Variants in POGZ observed in about 807,000 individuals in gnomAD.
The protein encoded by POGZ is pogo transposable element with ZNF domain.
Under a neutral mutation model 134.6 loss-of-function variants are expected in POGZ, and 17 were observed. The ratio of observed to expected loss-of-function variants is 0.13; its 90% CI spans 0.09 to 0.19. The LOEUF (loss-of-function observed/expected upper bound fraction) is 0.19, where lower values mean the gene tolerates loss of function less well. POGZ is among the 10% of genes least tolerant of loss of function. The pLI is 1.00. For synonymous variants in POGZ, 693 were observed against 657.1 expected (o/e 1.05, Z -0.84); for missense variants, 1,306 against 1,769.7 (o/e 0.74, Z 4.70).
At chr1:151,414,490 T>C (rs1476460936) in intron 10 of POGZ, among the ~76,000 whole-genome samples, 1 of 152,192 alleles carries the variant, frequency 6.6e-6, no homozygotes, top group Non-Finnish European at 1.5e-5. Flanking sequence ...AGGTTAAGAT[T>C]TACATGTGTT....
chr1:151,454,610 A>G (rs1662548358), intron 1 of POGZ, among the ~76,000 whole-genome samples: 1 of 152,240 alleles, frequency 6.6e-6, no homozygotes, highest in Non-Finnish European at 1.5e-5. Flanking sequence ...CAAGTAAGCA[A>G]CAAGTTCTCT....
intron 1 of POGZ, among the ~76,000 whole-genome samples, chr1:151,457,859 G>A (rs528583252): frequency 6.6e-6 from 1 of 152,032 alleles, no homozygotes; most frequent in African/African-American, 2.4e-5. Flanking sequence ...CCCGGCAGGC[G>A]GAGGTTGCAG....
intron 10 of POGZ, among the ~76,000 whole-genome samples, chr1:151,415,288 G>A (rs1441233705): frequency 6.6e-6 from 1 of 152,150 alleles, no homozygotes; most frequent in Non-Finnish European, 1.5e-5. Context: ...TTTTTTGAAA[G>A]ATTAGAATAA....
At chr1:151,415,044 T>C (rs748383388) in intron 10 of POGZ, among the ~76,000 whole-genome samples, 17 of 152,304 alleles carry the variant, frequency 1.1e-4, no homozygotes, top group Non-Finnish European at 1.5e-4. Context: ...TGAACAACTG[T>C]AACTTCTGCT....
rs2102164770 is a variant in POGZ at position 151,408,160 on chromosome 1, T to A, written c.2315A>T (p.His772Leu). The A allele has an allele frequency of 6.2e-7, 1 of 1,608,144 alleles. No homozygotes were observed. The highest frequency in any genetic ancestry group is 8.5e-7 in the Non-Finnish European group (1 of 1,177,004). Reference sequence around the variant, plus strand: ...GGTGCTATAGCGACACAGAGAGCAGTGTACGTAAGTAGGGAAATGATTAGG... The same window carrying A: ...GGTGCTATAGCGACACAGAGAGCAGAGTACGTAAGTAGGGAAATGATTAGG... ...DFPNHFPTYV[H>L]CSLCRYSTCC... Residue 772 changes from histidine to leucine, a missense_variant, in exon 15 of 19, where the codon CAC (histidine) becomes CTC (leucine). Coordinates refer to ENST00000271715, the MANE Select transcript of POGZ (RefSeq NM_015100.4).
intron 1 of POGZ, among the ~76,000 whole-genome samples, chr1:151,452,137 G>C (rs1219792683): frequency 6.6e-6 from 1 of 150,992 alleles, no homozygotes; most frequent in African/African-American, 2.4e-5. Context: ...ATGTTGGCCG[G>C]GCATGGTGGC....
intron 7 of POGZ, among the ~76,000 whole-genome samples, chr1:151,425,732 C>A (rs1657660215): frequency 6.6e-6 from 1 of 152,152 alleles, no homozygotes; most frequent in African/African-American, 2.4e-5. Context: ...TATGTGAATA[C>A]CACATTTTAT....
Position 151,406,039 on chromosome 1 carries a change from G to A in POGZ, c.2996C>T (p.Pro999Leu). The A allele has an allele frequency of 6.2e-7, 1 of 1,614,194 alleles. No homozygotes were observed. The highest frequency in any genetic ancestry group is 8.5e-7 in the Non-Finnish European group (1 of 1,180,030). Reference sequence around the variant, plus strand: ...AAGCCAACGGCGAATACGTCGCTGGGGATTTCGGAAGTGTTCAGCTGCCTG... The same window carrying A: ...AAGCCAACGGCGAATACGTCGCTGGAGATTTCGGAAGTGTTCAGCTGCCTG... ...TEQAAEHFRN[P>L]QRRIRRWLRR... is the part of the protein sequence containing the mutation. The change falls in exon 19 of 19, where the codon CCC (proline) becomes CTC (leucine). Residue 999 changes from proline (P) to leucine (L), a missense_variant. By Grantham distance (98) the Pro-to-Leu change is moderately conservative. This residue lies in a region of POGZ where 214 missense variants were observed against 255.5 expected (regional missense o/e 0.84). Transcript: ENST00000271715.
intron 1 of POGZ, among the ~76,000 whole-genome samples, chr1:151,443,045 A>G (rs1451340119): frequency 6.6e-6 from 1 of 152,078 alleles, no homozygotes; most frequent in Admixed American, 6.5e-5. Context: ...AACAACAACA[A>G]AAAGTTTAAT....
chr1:151,412,455 C>A, intron 10 of POGZ, 59 bp from the exon 11 acceptor site: 1 of 902,778 alleles, frequency 1.1e-6, no homozygotes, highest in Non-Finnish European at 1.8e-6. Context: ...GTCCTGCTGA[C>A]TCACAATCTT....
At chr1:151,407,881 G>GC (rs1454464438) in intron 15 of POGZ, among the ~76,000 whole-genome samples, 1 of 151,904 alleles carries the variant, frequency 6.6e-6, no homozygotes, top group Non-Finnish European at 1.5e-5. Context: ...GCATGGTGGT[G>GC]CACACCTATA....
chr1:151,427,707 A>C, intron 7 of POGZ, 116 bp downstream of exon 7: 41 of 691,350 alleles, frequency 5.9e-5, no homozygotes, highest in Non-Finnish European at 8.3e-5. Flanking sequence ...AGAACAAACT[A>C]CAGCAGCTGT....
intron 10 of POGZ, among the ~76,000 whole-genome samples, chr1:151,416,228 A>AG (rs1655638529): frequency 6.7e-6 from 1 of 148,778 alleles, no homozygotes. Flanking sequence ...AAAAAAAAAA[A>AG]AAAAAAAGAA....
chr1:151,440,099 A>G (rs1660284897), intron 3 of POGZ, among the ~76,000 whole-genome samples: 1 of 152,088 alleles, frequency 6.6e-6, no homozygotes, highest in Admixed American at 6.5e-5. Flanking sequence ...GATGTATATA[A>G]AAATAAAAAA....
chr1:151,406,912 C>T lies in POGZ; in HGVS notation c.2544G>A (p.Arg848=), dbSNP rs374952629. 3.1e-6 allele frequency: 5 copies of T among 1,609,788 alleles called. No homozygotes were observed. The highest frequency in any genetic ancestry group is 1.7e-4 in the Middle Eastern group (1 of 6,050). ...CTAATCCCCTTCTCTCCTACTTACCCCGTGGCAGGATGCTGCTGGATCTGT... is the reference window on the plus strand; with the variant it reads ...CTAATCCCCTTCTCTCCTACTTACCTCGTGGCAGGATGCTGCTGGATCTGT... The part of the protein sequence containing the change: ...PSHRSSSILP[R]GLTWIAHSRH... Residue 848 remains arginine, a splice_region_variant and synonymous_variant, in exon 17 of 19, where the codon CGG becomes CGA. Transcript: ENST00000271715.
chr1:151,419,024 C>CAAAAAAAAAAAAAAAAA (rs71090164), intron 10 of POGZ, among the ~76,000 whole-genome samples: 29 of 52,012 alleles, frequency 5.6e-4, no homozygotes, highest in East Asian at 1.4e-3. Flanking sequence ...AGCTCTGTCT[C>CAAAAAAAAAAAAAAAAA]AAAAAAAAAA....
Position 151,404,818 on chromosome 1 carries a change from T to C in POGZ, c.4217A>G (p.Asp1406Gly). ...SFYGFEEADL[D>G]LMEI The stretch of plus-strand genomic sequence containing the variant: ...CCCCAACACTCAAATCTCCATCAGA[T>C]CTAGGTCAGCTTCTTCAAAGCCATA... Residue 1406 changes from aspartate to glycine, a missense_variant, in exon 19 of 19, where the codon GAT (aspartate) becomes GGT (glycine). Transcript: ENST00000271715. 6.2e-7 allele frequency: 1 copy of C among 1,606,542 alleles called. No individual in the cohort carries two copies. The highest frequency in any genetic ancestry group is 2.2e-5 in the East Asian group (1 of 44,592).
intron 1 of POGZ, among the ~76,000 whole-genome samples, chr1:151,457,299 G>C (rs980623392): frequency 2.0e-5 from 3 of 152,136 alleles, no homozygotes; most frequent in Admixed American, 6.5e-5. Context: ...TCAACATCTT[G>C]AACACTTTTA....
chr1:151,430,306 T>C (rs1200344498), intron 4 of POGZ, among the ~76,000 whole-genome samples: 4 of 152,148 alleles, frequency 2.6e-5, no homozygotes, highest in Non-Finnish European at 2.9e-5. Context: ...ATTACATACA[T>C]ACATCTCCAA....
Sources: gnomAD v4.1 joint callset for allele counts (sites outside exome capture counted in the v4.1 genomes callset) on GRCh38, gnomAD v4.1.1 for gene constraint, gnomAD v4.1.1 regional missense constraint, MANE v1.5 for transcripts, NCBI Gene and HGNC (gene_info 2026-07-23, HGNC 2026-07-21) for gene names.